Variants in CLCN5 observed in about 807,000 individuals in gnomAD.
CLCN5 encodes H(+)/Cl(-) exchange transporter 5.
In CLCN5, 17 loss-of-function variants were observed where a neutral mutation model predicts 54.0. The observed-to-expected ratio is 0.31, with a 90% CI of 0.22 to 0.47. The LOEUF is 0.47. CLCN5 is among the 20% of genes least tolerant of loss of function. The pLI is 1.00. For missense variants in CLCN5, 448 were observed against 646.7 expected, an observed-to-expected ratio of 0.69 and a Z score of 3.33; for synonymous variants, 222 against 233.0, an observed-to-expected ratio of 0.95 and a Z score of 0.43.
intron 4 of CLCN5, among the ~76,000 whole-genome samples, chrX:50,053,422 T>G (rs1449058613): frequency 9.0e-6 from 1 of 111,640 alleles, no homozygotes; most frequent in East Asian, 2.8e-4. Context: ...CTCTTTTTTT[T>G]CTTGGTTAGC....
At chrX:50,089,150 G>T (rs1456990024) in intron 12 of CLCN5, among the ~76,000 whole-genome samples, 3 of 112,266 alleles carry the variant, frequency 2.7e-5, no homozygotes, top group Non-Finnish European at 5.6e-5. Flanking sequence ...ATCTGCACAA[G>T]AATATGTATC....
chrX:50,031,100 G>A (rs1931673528), intron 3 of CLCN5, among the ~76,000 whole-genome samples: 1 of 111,670 alleles, frequency 9.0e-6, no homozygotes, highest in Admixed American at 9.5e-5. Flanking sequence ...CTCTGAGATA[G>A]CACCAAAGAA....
Position 50,064,375 on chromosome X carries a change from CAGAG to C in CLCN5, c.164-5501_164-5498del, listed in dbSNP as rs1438143070. The stretch of plus-strand genomic sequence containing the variant: ...TTCCTATACACCAACAACAGACAAA[CAGAG>C]AGCCAAATCATGAGTGAACTCCCAT... On this transcript the variant is annotated intron_variant, in intron 4 of 14. Transcript: ENST00000376091. Among the ~76,000 whole-genome samples, 11 of 93,001 alleles carry C rather than the reference CAGAG, an allele frequency of 1.2e-4. 1 individual carries two copies. In the East Asian group the frequency reaches 3.1e-3, roughly 26 times the overall value. 80.8% of individuals were successfully genotyped at this position (93,001 alleles called of 115,157 possible).
At chrX:50,031,239 A>G (rs1163746796) in intron 3 of CLCN5, among the ~76,000 whole-genome samples, 1 of 112,311 alleles carries the variant, frequency 8.9e-6, no homozygotes, top group Admixed American at 9.5e-5. Context: ...ATCCAATTTT[A>G]ATGATTCAAA....
intron 3 of CLCN5, among the ~76,000 whole-genome samples, chrX:50,041,498 T>C (rs1283240963): frequency 1.2e-4 from 13 of 111,171 alleles, no homozygotes; most frequent in African/African-American, 3.9e-4. Flanking sequence ...ATGTTTCTTT[T>C]CCCCATGTCA....
intron 3 of CLCN5, among the ~76,000 whole-genome samples, chrX:50,042,091 G>C (rs1392392907): frequency 2.7e-5 from 3 of 111,989 alleles, no homozygotes; most frequent in African/African-American, 9.7e-5. Context: ...AAGTATAATA[G>C]AGGTTACCAG....
intron 3 of CLCN5, among the ~76,000 whole-genome samples, chrX:49,969,380 A>T (rs1199639846): frequency 8.9e-6 from 1 of 112,592 alleles, no homozygotes; most frequent in African/African-American, 3.2e-5. Flanking sequence ...ACTTGGCCTG[A>T]GACCTTTCTT....
At chrX:49,943,835 G>A (rs1227376207) in intron 3 of CLCN5, among the ~76,000 whole-genome samples, 6 of 111,325 alleles carry the variant, frequency 5.4e-5, no homozygotes, top group East Asian at 2.8e-4. Flanking sequence ...GTCAGGTAGC[G>A]TGATGTCTCC....
chrX:49,939,546 C>T (rs782681700), intron 3 of CLCN5, among the ~76,000 whole-genome samples: 5 of 110,882 alleles, frequency 4.5e-5, no homozygotes, highest in Non-Finnish European at 7.6e-5. Context: ...GGACAAAAAA[C>T]CAAACACTGC....
At chrX:50,063,415 T>C (rs1232957311) in intron 4 of CLCN5, among the ~76,000 whole-genome samples, 1 of 108,125 alleles carries the variant, frequency 9.2e-6, no homozygotes, top group East Asian at 2.8e-4. Context: ...CTAGAACAAA[T>C]GGATGCATTC....
At chrX:50,032,182 A>G (rs1234823979) in intron 3 of CLCN5, among the ~76,000 whole-genome samples, 31 of 111,106 alleles carry the variant, frequency 2.8e-4, no homozygotes, top group Non-Finnish European at 5.1e-4. Context: ...ATAAACATAC[A>G]TGTGCATGTG....
At chrX:49,938,259 G>T (rs1362025670) in intron 3 of CLCN5, among the ~76,000 whole-genome samples, 1 of 111,739 alleles carries the variant, frequency 8.9e-6, no homozygotes, top group Non-Finnish European at 1.9e-5. Flanking sequence ...AGCTACCAAT[G>T]ACTTTCTTCA....
chrX:50,003,819 GT>G (rs1930010229), intron 3 of CLCN5, among the ~76,000 whole-genome samples: 1 of 111,758 alleles, frequency 8.9e-6, no homozygotes, highest in South Asian at 3.8e-4. Flanking sequence ...AGGAAGGGGG[GT>G]CTTTTGACCT....
At chrX:49,944,666 T>C (rs1294620623) in intron 3 of CLCN5, among the ~76,000 whole-genome samples, 8 of 112,098 alleles carry the variant, frequency 7.1e-5, no homozygotes, top group Non-Finnish European at 1.5e-4. Context: ...GATAATCATG[T>C]GGTTTTTGTC....
chrX:50,086,233 T>C lies in CLCN5; in HGVS notation c.1015-95T>C, dbSNP rs1024595569. Reference sequence around the variant, plus strand: ...CTAGAAATCCAGTCGGCAGTTTTCATCCATTAGTTGACTCTCATGCCTGCA... The same window carrying C: ...CTAGAAATCCAGTCGGCAGTTTTCACCCATTAGTTGACTCTCATGCCTGCA... On this transcript the variant is annotated intron_variant, in intron 10 of 14. Coordinates refer to ENST00000376091, the MANE Select transcript of CLCN5 (RefSeq NM_001127898.4). 1.3e-5 allele frequency: 13 copies of C among 994,313 alleles called. No individual in the cohort carries two copies. The East Asian group carries it at 3.6e-4, about 27-fold the overall frequency. 81.9% of individuals were successfully genotyped at this position (994,313 alleles called of 1,213,427 possible).
chrX:49,979,160 C>T (rs782433411), intron 3 of CLCN5, among the ~76,000 whole-genome samples: 13 of 111,571 alleles, frequency 1.2e-4, no homozygotes, highest in African/African-American at 3.9e-4. Context: ...AATACCTTCC[C>T]TACAAAGTAC....
At chrX:50,015,097 A>G (rs113078974) in intron 3 of CLCN5, among the ~76,000 whole-genome samples, 8,218 of 110,628 alleles carry the variant, frequency 0.074, 756 homozygotes, top group African/African-American at 0.26. Context: ...GCCTTCCTAT[A>G]TCTTGAGTTT....
chrX:50,078,869 CTGGAGTGCAG>C (rs1446628802), intron 7 of CLCN5, among the ~76,000 whole-genome samples: 3 of 112,229 alleles, frequency 2.7e-5, no homozygotes, highest in African/African-American at 9.7e-5. Flanking sequence ...GTCACCCAGG[CTGGAGTGCAG>C]TGGTGCGATC....
In CLCN5 at chrX:50,059,844, C is replaced by T. The variant is rs184586639; in HGVS notation, c.164-10035C>T. Among the ~76,000 whole-genome samples, 265 of 108,319 alleles carry T rather than the reference C, an allele frequency of 2.4e-3. 1 individual carries two copies. The highest frequency in any genetic ancestry group is 3.6e-3 in the Non-Finnish European group (191 of 52,420). The allele number at this position is 108,319 out of a possible 115,157, so 94.1% of individuals were successfully genotyped here. A position where few individuals can be genotyped will look rare whatever the true frequency, so the allele number is the denominator to read the frequency against. ...ATGAACTTTCATTAAAAGTCAATAACGTGGCACCAGCTATGCAATCCATAG... is the reference window on the plus strand; with the variant it reads ...ATGAACTTTCATTAAAAGTCAATAATGTGGCACCAGCTATGCAATCCATAG... On this transcript the variant is annotated intron_variant, in intron 4 of 14. Coordinates refer to ENST00000376091, the MANE Select transcript of CLCN5 (RefSeq NM_001127898.4).
Sources: allele counts gnomAD v4.1 joint callset (sites outside exome capture counted in the v4.1 genomes callset), GRCh38; gene constraint gnomAD v4.1.1; transcripts MANE v1.5; gene names NCBI Gene and HGNC (gene_info 2026-07-23, HGNC 2026-07-21).